BTBD9: variants seen among roughly 807,000 people sequenced by gnomAD.
The protein encoded by BTBD9 is BTB/POZ domain-containing protein 9.
Under a neutral mutation model 64.3 loss-of-function variants are expected in BTBD9, and 49 were observed. The observed-to-expected ratio is 0.76, with a 90% CI of 0.61 to 0.97. BTBD9 has a LOEUF of 0.97. Among genes scored for constraint, BTBD9 ranks in the 50% least tolerant of loss-of-function variants. The pLI is 0.00. For missense variants in BTBD9, 598 were observed against 762.1 expected (o/e 0.78, Z 2.53); for synonymous variants, 260 against 274.7 (o/e 0.95, Z 0.53).
At chr6:38,336,756 G>A (rs1162513308) in intron 7 of BTBD9, among the ~76,000 whole-genome samples, 1 of 152,262 alleles carries the variant, frequency 6.6e-6, no homozygotes, top group African/African-American at 2.4e-5. Flanking sequence ...CCCCTGTTCA[G>A]TGTTCCTACA....
intron 7 of BTBD9, among the ~76,000 whole-genome samples, chr6:38,300,891 A>G (rs1174676995): frequency 6.6e-6 from 1 of 152,192 alleles, no homozygotes; most frequent in Admixed American, 6.5e-5. Context: ...AACTTCCAAC[A>G]CTATGTTGAA....
At chr6:38,603,152 G>A (rs1219707852) in intron 1 of BTBD9, among the ~76,000 whole-genome samples, 1 of 152,144 alleles carries the variant, frequency 6.6e-6, no homozygotes, top group African/African-American at 2.4e-5. Flanking sequence ...GCAGGGGGAC[G>A]AAGGACTTAC....
intron 6 of BTBD9, among the ~76,000 whole-genome samples, chr6:38,345,935 C>T (rs1344168759): frequency 1.3e-5 from 2 of 152,248 alleles, no homozygotes; most frequent in African/African-American, 2.4e-5. Context: ...AATGAACAAA[C>T]TCATTCTTCT....
intron 2 of BTBD9, 133 bp from the exon 3 acceptor site, chr6:38,594,460 A>G (rs1451695996): frequency 9.1e-7 from 1 of 1,099,492 alleles, no homozygotes; most frequent in Non-Finnish European, 1.3e-6. Flanking sequence ...GAAAAAATGC[A>G]AAGTAATCAT....
chr6:38,500,653 T>TC (rs1283131707), intron 6 of BTBD9, among the ~76,000 whole-genome samples: 2 of 152,176 alleles, frequency 1.3e-5, no homozygotes, highest in Non-Finnish European at 2.9e-5. Context: ...CAAATGCCTA[T>TC]CCATTGCTCT....
At chr6:38,621,911 C>A (rs550804517) in intron 1 of BTBD9, among the ~76,000 whole-genome samples, 2 of 152,312 alleles carry the variant, frequency 1.3e-5, no homozygotes, top group African/African-American at 4.8e-5. Context: ...ACAACCCTGT[C>A]CAAGAGATTA....
At chr6:38,277,558 T>A (rs1761326661) in intron 8 of BTBD9, among the ~76,000 whole-genome samples, 1 of 152,112 alleles carries the variant, frequency 6.6e-6, no homozygotes, top group Non-Finnish European at 1.5e-5. Context: ...GGTCTTGAAC[T>A]CCTTACCTCA....
intron 1 of BTBD9, among the ~76,000 whole-genome samples, chr6:38,606,878 A>C (rs1204922943): frequency 6.6e-6 from 1 of 152,184 alleles, no homozygotes; most frequent in African/African-American, 2.4e-5. Context: ...CACATACCCA[A>C]TAAGTAGCAG....
rs1762903828 is a variant in BTBD9, at chr6:38,213,489, T to A, written c.1563-20892A>T. The stretch of plus-strand genomic sequence containing the variant: ...CACTGGAATCTCTGAATATGAGTTC[T>A]GTAATAAAAAGGTGACAAGTCTTTG... On this transcript the variant is annotated intron_variant, in intron 9 of 10. Coordinates refer to ENST00000481247, the MANE Select transcript of BTBD9 (RefSeq NM_001099272.2). Among the ~76,000 whole-genome samples the A allele has an allele frequency of 1.3e-5, 2 of 152,174 alleles. 1 individual carries two copies. The highest frequency in any genetic ancestry group is 4.1e-4 in the South Asian group (2 of 4,832).
intron 6 of BTBD9, among the ~76,000 whole-genome samples, chr6:38,556,518 T>C (rs79913940): frequency 0.012 from 534 of 45,740 alleles, 2 homozygotes; most frequent in African/African-American, 0.067. Context: ...TGTGTGTGTG[T>C]GTGTGTGTGT....
chr6:38,451,048 T>C (rs943079253), intron 6 of BTBD9, among the ~76,000 whole-genome samples: 1 of 152,182 alleles, frequency 6.6e-6, no homozygotes, highest in African/African-American at 2.4e-5. Flanking sequence ...TCCTTCAAGA[T>C]GAGCTAAAAT....
At chr6:38,597,651 T>C (rs1299536790) in intron 2 of BTBD9, among the ~76,000 whole-genome samples, 1 of 152,172 alleles carries the variant, frequency 6.6e-6, no homozygotes, top group East Asian at 1.9e-4. Flanking sequence ...AGAAACATTC[T>C]TGAGACCTTG....
At chr6:38,516,003 T>C (rs528046270) in intron 6 of BTBD9, among the ~76,000 whole-genome samples, 1 of 152,342 alleles carries the variant, frequency 6.6e-6, no homozygotes, top group East Asian at 1.9e-4. Flanking sequence ...AATTATACAT[T>C]GTAGTTACAT....
intron 6 of BTBD9, among the ~76,000 whole-genome samples, chr6:38,505,674 G>A (rs1772450332): frequency 6.6e-6 from 1 of 150,908 alleles, no homozygotes; most frequent in African/African-American, 2.4e-5. Flanking sequence ...TATATAAAAA[G>A]AGAACTCTTG....
intron 6 of BTBD9, among the ~76,000 whole-genome samples, chr6:38,568,752 AC>A (rs1272556262): frequency 1.3e-5 from 2 of 152,204 alleles, no homozygotes; most frequent in Non-Finnish European, 2.9e-5. Context: ...AAAGTCACTA[AC>A]TCAAGTCCTG....
intron 6 of BTBD9, among the ~76,000 whole-genome samples, chr6:38,349,806 C>T (rs1764428692): frequency 6.6e-6 from 1 of 151,978 alleles, no homozygotes; most frequent in African/African-American, 2.4e-5. Context: ...GGGGCTTGTC[C>T]TTCCACTTAG....
chr6:38,493,594 G>T (rs1771798918), intron 6 of BTBD9, among the ~76,000 whole-genome samples: 1 of 152,200 alleles, frequency 6.6e-6, no homozygotes, highest in African/African-American at 2.4e-5. Flanking sequence ...AGTGATGTTA[G>T]GAGATTCCTG....
At chr6:38,632,077 G>A (rs541136824) in intron 1 of BTBD9, among the ~76,000 whole-genome samples, 3 of 152,236 alleles carry the variant, frequency 2.0e-5, no homozygotes, top group African/African-American at 7.2e-5. Flanking sequence ...GCTGTGAGCC[G>A]AGATCGTGCC....
intron 7 of BTBD9, among the ~76,000 whole-genome samples, chr6:38,298,196 C>T (rs1010459858): frequency 1.3e-5 from 2 of 151,874 alleles, no homozygotes; most frequent in African/African-American, 4.8e-5. Flanking sequence ...ATTTCATTTC[C>T]CCCACCAGCT....
Sources: gnomAD v4.1 joint callset for allele counts (sites outside exome capture counted in the v4.1 genomes callset) on GRCh38, gnomAD v4.1.1 for gene constraint, MANE v1.5 for transcripts, NCBI Gene and HGNC (gene_info 2026-07-23, HGNC 2026-07-21) for gene names.